The following RXRG variants were observed in gnomAD, a reference collection of about 807,000 sequenced individuals.
RXRG encodes the protein retinoic acid receptor RXR-gamma.
A neutral mutation model predicts 49.2 loss-of-function variants in RXRG; 19 were observed. That is an observed-to-expected ratio of 0.39 (90% CI 0.27 to 0.57). The LOEUF is 0.57. Ranked by LOEUF, RXRG falls within the 20% of genes least tolerant of loss-of-function variation. The probability of loss-of-function intolerance (pLI) is 0.64; values close to 1 mark genes in which losing one functional copy is unlikely to be tolerated. For synonymous variants in RXRG, 224 were observed against 216.6 expected (o/e 1.03, Z -0.30); for missense variants, 452 against 592.5 (o/e 0.76, Z 2.46).
chr1:165,443,070 T>G (rs1299847151), intron 1 of RXRG, among the ~76,000 whole-genome samples: 1 of 152,240 alleles, frequency 6.6e-6, no homozygotes, highest in Non-Finnish European at 1.5e-5. Flanking sequence ...ATCTATAAGA[T>G]GAGAGCCTAA....
rs771304563 is a variant in RXRG, at chr1:165,411,080, C to T, written c.652G>A (p.Glu218Lys). 6.2e-7 allele frequency: 1 copy of T among 1,614,102 alleles called. No homozygotes were observed. Among genetic ancestry groups the T allele is most frequent in the South Asian group, 1.1e-5 (1 of 91,076 alleles). The change falls in exon 5 of 10, where the codon GAG (glutamate) becomes AAG (lysine). Residue 218 changes from glutamate to lysine, a missense_variant. Coordinates refer to ENST00000359842, the MANE Select transcript of RXRG (RefSeq NM_006917.5). The part of the protein sequence containing the change: ...AVQEERQRSR[E>K]RAESEAECAT... Reference sequence around the variant, plus strand: ...CATTCTGCCTCACTCTCAGCTCGCTCTCGGCTCCTCTGTCTTTCTTCTTGC... The same window carrying T: ...CATTCTGCCTCACTCTCAGCTCGCTTTCGGCTCCTCTGTCTTTCTTCTTGC...
chr1:165,436,865 T>G, intron 1 of RXRG: 1 of 1,055,454 alleles, frequency 9.5e-7, no homozygotes, highest in Non-Finnish European at 1.2e-6. Context: ...AGTTTCAAGG[T>G]TAAAGATCAA....
At chr1:165,404,917 C>T (rs1557908457) in intron 9 of RXRG, among the ~76,000 whole-genome samples, 1 of 152,118 alleles carries the variant, frequency 6.6e-6, no homozygotes, top group South Asian at 2.1e-4. Flanking sequence ...TGCCACCACA[C>T]CTGGCTAATT....
chr1:165,408,203 C>A (rs1657819612), intron 8 of RXRG, 24 bp downstream of exon 8: 6 of 1,570,616 alleles, frequency 3.8e-6, no homozygotes, highest in Middle Eastern at 3.3e-4. Flanking sequence ...ACACACACAT[C>A]CCCTGGGGTT....
intron 1 of RXRG, among the ~76,000 whole-genome samples, chr1:165,444,254 G>T (rs2101753588): frequency 6.6e-6 from 1 of 152,288 alleles, no homozygotes; most frequent in Non-Finnish European, 1.5e-5. Context: ...CAGCAGGGGA[G>T]GAGAGAAGAG....
intron 1 of RXRG, among the ~76,000 whole-genome samples, chr1:165,429,816 C>G (rs914320721): frequency 1.5e-4 from 23 of 152,166 alleles, no homozygotes; most frequent in Non-Finnish European, 3.1e-4. Flanking sequence ...TCATCAGTAT[C>G]ACTTTCTTCC....
chr1:165,434,264 T>A lies in RXRG; in HGVS notation c.50-5298A>T, dbSNP rs565077508. 3.1e-4 allele frequency among the ~76,000 whole-genome samples: 33 copies of A among 107,584 alleles called. No individual in the cohort carries two copies. The East Asian group carries it at 7.7e-3, about 25-fold the overall frequency. 70.6% of individuals were successfully genotyped at this position (107,584 alleles called of 152,430 possible). On this transcript the variant is annotated intron_variant, in intron 1 of 9. Transcript: ENST00000359842. ...TACCAGAACCACAATCTCTAAACAA[T>A]GAATTGCATGTGTGTATGTGTGTGT... is the stretch of plus-strand genomic sequence containing the variant.
intron 2 of RXRG, among the ~76,000 whole-genome samples, chr1:165,421,043 G>T (rs968817102): frequency 1.3e-5 from 2 of 152,206 alleles, no homozygotes; most frequent in African/African-American, 4.8e-5. Flanking sequence ...TGAATCAAAG[G>T]TATGATTTTC....
At chr1:165,417,270 A>T in intron 3 of RXRG, 50 bp from the exon 4 acceptor site, 1 of 1,514,540 alleles carries the variant, frequency 6.6e-7, no homozygotes, top group Non-Finnish European at 8.9e-7. Context: ...GTTTATTTGG[A>T]TCTTTCATTC....
intron 2 of RXRG, 88 bp from the exon 3 acceptor site, chr1:165,420,102 A>C: frequency 5.6e-6 from 6 of 1,072,642 alleles, no homozygotes; most frequent in Non-Finnish European, 7.5e-6. Context: ...CTCAAGAAAA[A>C]ACAAGTTCTA....
intron 2 of RXRG, among the ~76,000 whole-genome samples, chr1:165,420,961 A>T (rs1658292916): frequency 6.6e-6 from 1 of 152,242 alleles, no homozygotes; most frequent in Admixed American, 6.5e-5. Context: ...GTGGTTAGGA[A>T]CTACTGACTT....
intron 1 of RXRG, among the ~76,000 whole-genome samples, chr1:165,432,510 A>G (rs1007402662): frequency 6.6e-6 from 1 of 152,232 alleles, no homozygotes; most frequent in Admixed American, 6.5e-5. Context: ...ATGGAAAATT[A>G]ATCTATTCTC....
At chr1:165,431,728 G>A (rs1658679837) in intron 1 of RXRG, among the ~76,000 whole-genome samples, 1 of 152,104 alleles carries the variant, frequency 6.6e-6, no homozygotes, top group Non-Finnish European at 1.5e-5. Context: ...TGAGGGCACA[G>A]GCAAGAGCAA....
In RXRG at chr1:165,427,529, G is replaced by A. The variant is rs574292873; in HGVS notation, c.297+1190C>T. On this transcript the variant is annotated intron_variant, in intron 2 of 9. Transcript: ENST00000359842. ...ACTATCTCAGCTCACTGCAACCTCCGCCTCCCAGGCTCAAGCAATTCTCCT... is the reference window on the plus strand; with the variant it reads ...ACTATCTCAGCTCACTGCAACCTCCACCTCCCAGGCTCAAGCAATTCTCCT... 2.6e-4 allele frequency among the ~76,000 whole-genome samples: 40 copies of A among 152,206 alleles called. 1 individual carries two copies. The East Asian group carries it at 5.0e-3, about 19-fold the overall frequency.
intron 9 of RXRG, among the ~76,000 whole-genome samples, chr1:165,403,945 G>C (rs777098564): frequency 3.3e-5 from 5 of 152,242 alleles, no homozygotes; most frequent in Non-Finnish European, 7.3e-5. Context: ...TTATGCCTTT[G>C]AAGGTGCCTG....
intron 1 of RXRG, among the ~76,000 whole-genome samples, chr1:165,438,288 C>A (rs1330779318): frequency 1.3e-5 from 2 of 151,910 alleles, no homozygotes; most frequent in Non-Finnish European, 2.9e-5. Context: ...CTAATTGGAG[C>A]ATTTTGGATT....
At chr1:165,407,778 C>T (rs1657801876) in intron 8 of RXRG, among the ~76,000 whole-genome samples, 2 of 152,052 alleles carry the variant, frequency 1.3e-5, no homozygotes, top group Admixed American at 1.3e-4. Context: ...GCTGTCAGAA[C>T]TTGCTCCTCA....
chr1:165,436,920 A>T (rs1368064487), intron 1 of RXRG: 1 of 1,109,446 alleles, frequency 9.0e-7, no homozygotes, highest in Non-Finnish European at 1.1e-6. Context: ...CCAAACTTGA[A>T]AAGTGGAAAA....
chr1:165,406,862 A>G lies in RXRG; in HGVS notation c.1194T>C (p.Tyr398=), dbSNP rs769870483. ...SEVETLREKV[Y]ATLEAYTKQK... is the part of the protein sequence containing the mutation. ...GCTTGGTGTAGGCCTCAAGGGTGGCATAAACCTTCTCTCGCAGAGTCTCCA... is the reference window on the plus strand; with the variant it reads ...GCTTGGTGTAGGCCTCAAGGGTGGCGTAAACCTTCTCTCGCAGAGTCTCCA... The change falls in exon 9 of 10, where the codon TAT becomes TAC. Residue 398 remains tyrosine, a synonymous_variant. Coordinates refer to ENST00000359842, the MANE Select transcript of RXRG (RefSeq NM_006917.5). 1 of 1,613,832 alleles carries G rather than the reference A, an allele frequency of 6.2e-7. No homozygotes were observed. The highest frequency in any genetic ancestry group is 1.3e-5 in the African/African-American group (1 of 74,870).
Sources: gnomAD v4.1 joint callset for allele counts (sites outside exome capture counted in the v4.1 genomes callset) on GRCh38, gnomAD v4.1.1 for gene constraint, MANE v1.5 for transcripts, NCBI Gene and HGNC (gene_info 2026-07-23, HGNC 2026-07-21) for gene names.